SH3RF2: variants seen among roughly 807,000 people sequenced by gnomAD.
SH3RF2 encodes the protein E3 ubiquitin-protein ligase SH3RF2.
Under a neutral mutation model 59.0 loss-of-function variants are expected in SH3RF2, and 43 were observed. The observed-to-expected ratio is 0.73, with a 90% CI of 0.57 to 0.94. The LOEUF (loss-of-function observed/expected upper bound fraction) is 0.94. SH3RF2 is among the 40% of genes least tolerant of loss of function. The pLI is 0.00. For synonymous variants in SH3RF2, 391 were observed against 391.5 expected (o/e 1.00, Z 0.01); for missense variants, 930 against 940.1 (o/e 0.99, Z 0.14).
chr5:146,065,888 G>A (rs367995146), downstream of SH3RF2, among the ~76,000 whole-genome samples: 25 of 152,146 alleles, frequency 1.6e-4, no homozygotes, highest in Admixed American at 3.9e-4. Context: ...CAAACTCCTC[G>A]GCTTGGCCTC....
intron 9 of SH3RF2, 63 bp downstream of exon 9, chr5:146,060,287 G>A (rs911451920): frequency 7.0e-7 from 1 of 1,429,286 alleles, no homozygotes; most frequent in African/African-American, 1.4e-5. Context: ...TAGTGTCTCA[G>A]CTCAGAGATT....
exon 10 of SH3RF2, chr5:146,079,304 ATAATC>A (rs1358117006): frequency 3.9e-5 from 6 of 152,224 alleles, no homozygotes; most frequent in African/African-American, 7.2e-5. Flanking sequence ...AAAAAAGACT[ATAATC>A]TAAGATACAA....
At chr5:145,975,275 A>C (rs1323307415) in intron 2 of SH3RF2, among the ~76,000 whole-genome samples, 1 of 152,190 alleles carries the variant, frequency 6.6e-6, no homozygotes, top group Non-Finnish European at 1.5e-5. Context: ...ATGGCTCCAA[A>C]AGTGCCACTC....
Position 145,986,002 on chromosome 5 carries a change from C to CAAATAAATAAAT in SH3RF2, c.379-14023_379-14012dup, listed in dbSNP as rs5871949. 5.6e-3 allele frequency among the ~76,000 whole-genome samples: 803 copies of CAAATAAATAAAT among 144,256 alleles called. 2 individuals are homozygous for CAAATAAATAAAT. The highest frequency in any genetic ancestry group is 0.033 in the East Asian group (159 of 4,810). 94.6% of individuals were successfully genotyped at this position (144,256 alleles called of 152,430 possible). On this transcript the variant is annotated intron_variant, in intron 2 of 9. Coordinates refer to ENST00000359120, the MANE Select transcript of SH3RF2 (RefSeq NM_152550.4). ...CTGGGCAACAGAGCAAGACTTGTCT[C>CAAATAAATAAAT]AAATAAATAAATAAATAAATAAATA...
At position 145,997,289 on chromosome 5, in the gene SH3RF2, G is replaced by GGAAT. The variant is rs1335141770; in HGVS notation, c.379-2768_379-2765dup. 8.4e-5 allele frequency: 83 copies of GGAAT among 992,532 alleles called. 1 individual carries two copies. The East Asian group carries it at 1.9e-3, about 23-fold the overall frequency. 61.5% of individuals were successfully genotyped at this position (992,532 alleles called of 1,614,324 possible). On this transcript the variant is annotated intron_variant, in intron 2 of 9. Coordinates refer to ENST00000359120, the MANE Select transcript of SH3RF2 (RefSeq NM_152550.4). ...TAAATGTACATGGAACCAAAGAAGAGGAATCCAAAAAGCAGCTAGTGAAAC... is the reference window on the plus strand; with the variant it reads ...TAAATGTACATGGAACCAAAGAAGAGGAATGAATCCAAAAAGCAGCTAGTGAAAC...
intron 2 of SH3RF2, among the ~76,000 whole-genome samples, chr5:145,972,236 T>C (rs1032649483): frequency 6.6e-6 from 1 of 151,448 alleles, no homozygotes; most frequent in Non-Finnish European, 1.5e-5. Context: ...GATAAAAAAT[T>C]GAAAAAAAAA....
chr5:146,009,927 G>T (rs1458571628), intron 4 of SH3RF2, among the ~76,000 whole-genome samples: 1 of 151,976 alleles, frequency 6.6e-6, no homozygotes, highest in Non-Finnish European at 1.5e-5. Context: ...TGTGCACAAC[G>T]TGCAGGTTTG....
chr5:145,993,495 G>A (rs1047282976), intron 2 of SH3RF2, among the ~76,000 whole-genome samples: 3 of 152,218 alleles, frequency 2.0e-5, no homozygotes, highest in Non-Finnish European at 4.4e-5. Context: ...GGACATCCAG[G>A]TGTTTCCATA....
At chr5:145,964,312 C>CTTTCTT (rs1554110981) in intron 2 of SH3RF2, among the ~76,000 whole-genome samples, 4,749 of 111,136 alleles carry the variant, frequency 0.043, 154 homozygotes, top group South Asian at 0.091. Flanking sequence ...TCCTTTCTTT[C>CTTTCTT]TTTTTTTTTT....
intron 2 of SH3RF2, among the ~76,000 whole-genome samples, chr5:145,990,739 A>G (rs962578273): frequency 6.6e-6 from 1 of 152,220 alleles, no homozygotes; most frequent in African/African-American, 2.4e-5. Context: ...TAAATATCAG[A>G]AAAGGAAAGC....
chr5:145,945,702 A>G (rs767721845), intron 2 of SH3RF2, among the ~76,000 whole-genome samples: 1 of 152,154 alleles, frequency 6.6e-6, no homozygotes, highest in Non-Finnish European at 1.5e-5. Flanking sequence ...GGAGAGGCAG[A>G]GTGACTAGAT....
intron 2 of SH3RF2, among the ~76,000 whole-genome samples, chr5:145,961,160 A>G (rs1382736821): frequency 7.2e-6 from 1 of 138,674 alleles, no homozygotes; most frequent in Non-Finnish European, 1.5e-5. Context: ...GAGCTGCTGC[A>G]TTCCTGCATC....
At position 145,937,977 on chromosome 5, in the gene SH3RF2, G is replaced by A. The variant is rs1445430228; in HGVS notation, c.49G>A (p.Glu17Lys). 5.0e-6 allele frequency: 8 copies of A among 1,614,192 alleles called. No individual in the cohort carries two copies. The highest frequency in any genetic ancestry group is 2.2e-5 in the South Asian group (2 of 91,082). ...TCTTCTGGAGTGCCCTGTGTGCTTT[G>A]AGAAGCTCGATGTCACAGCCAAAGT... ...LDLLECPVCF[E>K]KLDVTAKVLP... Residue 17 changes from glutamate to lysine, a missense_variant, in exon 2 of 10, where the codon GAG becomes AAG. Transcript: ENST00000359120.
chr5:146,000,421 A>G, intron 3 of SH3RF2, 94 bp downstream of exon 3: 1 of 1,118,486 alleles, frequency 8.9e-7, no homozygotes, highest in Non-Finnish European at 1.2e-6. Flanking sequence ...ATTTTAAAAA[A>G]TTGTATTTTA....
chr5:146,076,532 GTGTAA>G lies in SH3RF2; in HGVS notation c.*34-1926_*34-1922del, dbSNP rs536040068. Among the ~76,000 whole-genome samples, 373 of 152,310 alleles carry G rather than the reference GTGTAA, an allele frequency of 2.4e-3. 5 individuals are homozygous for G. The highest frequency in any genetic ancestry group is 8.7e-3 in the African/African-American group (360 of 41,566). ...TGAAGACAGCATAACTCCAAATCCT[GTGTAA>G]TTTATTGACATGGTGAGACGCAGAA... is the stretch of plus-strand genomic sequence containing the variant. On this transcript the variant is annotated intron_variant, in intron 9 of 9. Transcript: ENST00000511217.
At chr5:146,076,824 G>A (rs1309151553) in intron 9 of SH3RF2, among the ~76,000 whole-genome samples, 1 of 152,066 alleles carries the variant, frequency 6.6e-6, no homozygotes. Flanking sequence ...TGTAAGTTGG[G>A]AGTTTAGGTA....
At chr5:146,069,341 C>A (rs1763180016) in intron 9 of SH3RF2, among the ~76,000 whole-genome samples, 1 of 152,166 alleles carries the variant, frequency 6.6e-6, no homozygotes. Flanking sequence ...TGGGGAAATA[C>A]AGGTTGTGGC....
rs145949819 is a variant in SH3RF2 at position 146,019,192 on chromosome 5, A to G, written c.1059+5131A>G. 4.5e-3 allele frequency among the ~76,000 whole-genome samples: 685 copies of G among 152,156 alleles called. 2 individuals are homozygous for G. The highest frequency in any genetic ancestry group is 7.5e-3 in the Non-Finnish European group (508 of 67,988). On this transcript the variant is annotated intron_variant, in intron 5 of 9. Transcript: ENST00000359120. ...AGTCATAAATTCTTTGCCTAGGCCC[A>G]TGTCCAGAAGAGTTTTTCTAGGTTT... is the stretch of plus-strand genomic sequence containing the variant.
intron 2 of SH3RF2, among the ~76,000 whole-genome samples, chr5:145,961,174 C>CTTT (rs869156939): frequency 0.019 from 1,743 of 90,878 alleles, 194 homozygotes; most frequent in African/African-American, 0.073. Context: ...CTGCATCCTC[C>CTTT]TTTTTTTTTT....
Sources: gnomAD v4.1 joint callset for allele counts (sites outside exome capture counted in the v4.1 genomes callset) on GRCh38, gnomAD v4.1.1 for gene constraint, MANE v1.5 for transcripts, NCBI Gene and HGNC (gene_info 2026-07-23, HGNC 2026-07-21) for gene names.